Variants in DYM observed in about 807,000 individuals in gnomAD.
The protein encoded by DYM is dymeclin.
In DYM, 78 loss-of-function variants were observed where a neutral mutation model predicts 93.1. That is an observed-to-expected ratio of 0.84 (90% CI 0.70 to 1.01). DYM has a LOEUF of 1.01. Ranked by LOEUF, DYM falls within the 50% of genes least tolerant of loss-of-function variation. The pLI, the probability that DYM is intolerant of heterozygous loss-of-function variation, is 0.00. For missense variants in DYM, 789 were observed against 845.0 expected (o/e 0.93, Z 0.82); for synonymous variants, 321 against 319.7 (o/e 1.00, Z -0.04).
intron 16 of DYM, among the ~76,000 whole-genome samples, chr18:49,115,519 A>C (rs997734018): frequency 1.3e-5 from 2 of 152,230 alleles, no homozygotes; most frequent in African/African-American, 2.4e-5. Flanking sequence ...TGAAAAAAGA[A>C]ATTGGAATGA....
At position 49,163,757 on chromosome 18, in the gene DYM, G is replaced by C; in HGVS notation, c.1656C>G (p.Asn552Lys). The C allele has an allele frequency of 6.2e-7, 1 of 1,611,966 alleles. No homozygotes were observed. The highest frequency in any genetic ancestry group is 1.1e-5 in the South Asian group (1 of 90,762). Residue 552 changes from asparagine (N) to lysine (K), a missense_variant, in exon 15 of 18, where the codon AAC (asparagine) becomes AAG (lysine). Asn to Lys is a moderately conservative substitution (Grantham distance 94). Coordinates refer to ENST00000675505, the MANE Select transcript of DYM (RefSeq NM_001353214.3). The part of the protein sequence containing the change: ...SLFSLLSKKH[N>K]KVLEQATQSL... ...ACTGTGTGGCTTGTTCCAGAACTTT[G>C]TTGTGTTTTTTAGACAGCAAAGAAA...
At chr18:49,301,776 G>A (rs2060952751) in intron 8 of DYM, among the ~76,000 whole-genome samples, 1 of 152,334 alleles carries the variant, frequency 6.6e-6, no homozygotes, top group Non-Finnish European at 1.5e-5. Flanking sequence ...ATATGCAGCA[G>A]CTAAGCTTCA....
intron 6 of DYM, among the ~76,000 whole-genome samples, chr18:49,335,480 A>G (rs1179730869): frequency 6.6e-6 from 1 of 152,212 alleles, no homozygotes; most frequent in Admixed American, 6.5e-5. Context: ...AAAAAATTTA[A>G]AAAATAAAAT....
chr18:49,306,963 G>A (rs1180819142), intron 8 of DYM, among the ~76,000 whole-genome samples: 1 of 151,942 alleles, frequency 6.6e-6, no homozygotes, highest in East Asian at 1.9e-4. Flanking sequence ...TATAATACAT[G>A]GTTCTCTCTC....
intron 2 of DYM, among the ~76,000 whole-genome samples, chr18:49,393,183 G>A (rs887986407): frequency 7.3e-5 from 11 of 151,408 alleles, no homozygotes; most frequent in Non-Finnish European, 1.5e-4. Context: ...AAAGTAACAA[G>A]TGTTAGCAAG....
intron 8 of DYM, among the ~76,000 whole-genome samples, chr18:49,328,570 CT>C (rs2063081179): frequency 6.6e-6 from 1 of 152,100 alleles, no homozygotes; most frequent in Non-Finnish European, 1.5e-5. Context: ...CTACAAAGAA[CT>C]TAAACAAATT....
intron 16 of DYM, among the ~76,000 whole-genome samples, chr18:49,108,451 C>T (rs986617599): frequency 2.0e-5 from 3 of 152,228 alleles, no homozygotes; most frequent in East Asian, 3.8e-4. Flanking sequence ...GAGATGAACC[C>T]GGTATCTCAG....
chr18:49,110,818 A>G (rs1204386330), intron 16 of DYM, among the ~76,000 whole-genome samples: 1 of 152,098 alleles, frequency 6.6e-6, no homozygotes, highest in Non-Finnish European at 1.5e-5. Context: ...TCTCCTTGTG[A>G]GACTCCAATT....
intron 16 of DYM, among the ~76,000 whole-genome samples, chr18:49,103,229 T>C (rs1164775276): frequency 1.3e-5 from 2 of 152,270 alleles, no homozygotes; most frequent in African/African-American, 4.8e-5. Context: ...GAGAAGTGTC[T>C]GTTCATATCC....
At chr18:49,458,775 G>A (rs1197512284) in intron 1 of DYM, among the ~76,000 whole-genome samples, 4 of 152,118 alleles carry the variant, frequency 2.6e-5, no homozygotes, top group Non-Finnish European at 4.4e-5. Context: ...GGAGGCAGAC[G>A]TTGCCGTGAG....
intron 13 of DYM, among the ~76,000 whole-genome samples, chr18:49,252,445 T>G (rs879731802): frequency 6.6e-6 from 1 of 151,872 alleles, no homozygotes; most frequent in African/African-American, 2.4e-5. Context: ...CTTTTGAGAC[T>G]CACTATCATG....
intron 13 of DYM, among the ~76,000 whole-genome samples, chr18:49,226,515 G>A (rs534803159): frequency 1.2e-4 from 19 of 152,270 alleles, no homozygotes; most frequent in African/African-American, 4.1e-4. Context: ...TTAATAGCAT[G>A]TTGCTGTCTA....
At position 49,289,788 on chromosome 18, in the gene DYM, T is replaced by TAC. The variant is rs1555678795; in HGVS notation, c.764-3174_764-3173dup. On this transcript the variant is annotated intron_variant, in intron 8 of 17. Transcript: ENST00000675505. The stretch of plus-strand genomic sequence containing the variant: ...ATATATATATACACATATATATATA[T>TAC]ACACACATATATATATATATACACA... Among the ~76,000 whole-genome samples, 283 of 40,172 alleles carry TAC rather than the reference T, an allele frequency of 7.0e-3. 6 individuals carry two copies. The highest frequency in any genetic ancestry group is 0.022 in the African/African-American group (244 of 11,132). 26.4% of individuals were successfully genotyped at this position (40,172 alleles called of 152,430 possible). A position where few individuals can be genotyped will look rare whatever the true frequency, so the allele number is the denominator to read the frequency against.
At chr18:49,408,817 T>C (rs1212452792) in intron 2 of DYM, among the ~76,000 whole-genome samples, 2 of 152,186 alleles carry the variant, frequency 1.3e-5, no homozygotes, top group Non-Finnish European at 2.9e-5. Flanking sequence ...TCAATTGTTG[T>C]ATTAAATAAC....
chr18:49,192,983 T>A (rs1282993683), intron 14 of DYM, among the ~76,000 whole-genome samples: 4 of 152,126 alleles, frequency 2.6e-5, no homozygotes, highest in African/African-American at 9.7e-5. Flanking sequence ...CTTTTTTAGA[T>A]CAATTGCACA....
intron 14 of DYM, among the ~76,000 whole-genome samples, chr18:49,168,936 A>G (rs1368428077): frequency 6.6e-6 from 1 of 152,198 alleles, no homozygotes; most frequent in African/African-American, 2.4e-5. Flanking sequence ...CCCATAACTT[A>G]TAAGGCAAGA....
chr18:49,119,745 A>C (rs1402262158), intron 15 of DYM, among the ~76,000 whole-genome samples: 1 of 152,204 alleles, frequency 6.6e-6, no homozygotes, highest in Admixed American at 6.5e-5. Flanking sequence ...AGCTATGTAC[A>C]TATAATGTAA....
intron 17 of DYM, among the ~76,000 whole-genome samples, chr18:49,067,330 GTT>G (rs2076516418): frequency 4.5e-5 from 6 of 133,902 alleles, no homozygotes; most frequent in South Asian, 5.4e-4. Flanking sequence ...GGGGTGATGT[GTT>G]ATGGAGATTC....
intron 13 of DYM, among the ~76,000 whole-genome samples, chr18:49,225,211 A>G (rs1297637593): frequency 1.3e-5 from 2 of 152,162 alleles, no homozygotes; most frequent in East Asian, 1.9e-4. Flanking sequence ...AATTTATAAA[A>G]TAGCATGCGT....
Sources: allele counts gnomAD v4.1 joint callset (sites outside exome capture counted in the v4.1 genomes callset), GRCh38; gene constraint gnomAD v4.1.1; transcripts MANE v1.5; gene names NCBI Gene and HGNC (gene_info 2026-07-23, HGNC 2026-07-21).